Variants in CNTN1 observed in about 807,000 individuals in gnomAD.
CNTN1 encodes contactin 1.
Under a neutral mutation model 126.4 loss-of-function variants are expected in CNTN1, and 38 were observed. The observed-to-expected ratio is 0.30, with a 90% confidence interval of 0.23 to 0.39. CNTN1 has a LOEUF of 0.39. CNTN1 is among the 10% of genes least tolerant of loss of function. The pLI, the probability that CNTN1 is intolerant of heterozygous loss-of-function variation, is 1.00. For missense variants in CNTN1, 1,009 were observed against 1,248.4 expected, an observed-to-expected ratio of 0.81 and a Z score of 2.89; for synonymous variants, 413 against 422.6, an observed-to-expected ratio of 0.98 and a Z score of 0.28.
chr12:40,943,579 A>ATAT lies in CNTN1; in HGVS notation c.1380-16_1380-14dup, dbSNP rs1403103202. 13 of 1,521,636 alleles carry ATAT rather than the reference A, an allele frequency of 8.5e-6. No homozygotes were observed. The highest frequency in any genetic ancestry group is 1.2e-5 in the Non-Finnish European group (13 of 1,097,278). 94.3% of individuals were successfully genotyped at this position (1,521,636 alleles called of 1,614,324 possible). A position where few individuals can be genotyped will look rare whatever the true frequency, so the allele number is the denominator to read the frequency against. ...ACTAAATCAGGTTTGTGAATTATAT[A>ATAT]TATTTTTATTTCACTAGAATACTCA... is the stretch of plus-strand genomic sequence containing the variant. On this transcript the variant is annotated splice_polypyrimidine_tract_variant and intron_variant, in intron 12 of 23. Transcript: ENST00000551295.
chr12:40,887,843 G>T (rs2136716112), intron 1 of CNTN1, among the ~76,000 whole-genome samples: 1 of 152,204 alleles, frequency 6.6e-6, no homozygotes, highest in Non-Finnish European at 1.5e-5. Flanking sequence ...CATAAAAAAT[G>T]ATGAGTTCAT....
chr12:40,846,828 A>G (rs1942523424), intron 1 of CNTN1, among the ~76,000 whole-genome samples: 1 of 151,672 alleles, frequency 6.6e-6, no homozygotes, highest in Non-Finnish European at 1.5e-5. Flanking sequence ...AGTAGCTGAG[A>G]GTACAGAAAC....
chr12:40,883,964 G>C (rs2136704921), intron 1 of CNTN1, among the ~76,000 whole-genome samples: 1 of 151,398 alleles, frequency 6.6e-6, no homozygotes, highest in Non-Finnish European at 1.5e-5. Flanking sequence ...CTTTATCATA[G>C]GAAAATGTGG....
At chr12:41,000,503 T>G (rs1948329272) in intron 17 of CNTN1, among the ~76,000 whole-genome samples, 2 of 152,166 alleles carry the variant, frequency 1.3e-5, no homozygotes, top group Admixed American at 1.3e-4. Flanking sequence ...CAAATTATTT[T>G]TTAACCCTGT....
chr12:40,830,078 A>G (rs556617989), intron 1 of CNTN1, among the ~76,000 whole-genome samples: 107 of 152,150 alleles, frequency 7.0e-4, no homozygotes, highest in Non-Finnish European at 1.3e-3. Context: ...AAGGGATTCA[A>G]GAAGCACTGC....
rs866191460 is a variant in CNTN1, at chr12:40,773,714, T to C, written c.-77+81122T>C. Among the ~76,000 whole-genome samples the C allele has an allele frequency of 1.1e-3, 46 of 42,048 alleles. 2 individuals are homozygous for C. The highest frequency in any genetic ancestry group is 3.0e-3 in the African/African-American group (45 of 15,250). 27.6% of individuals were successfully genotyped at this position (42,048 alleles called of 152,430 possible). ...ATATACACATATATATATATATATA[T>C]ACACATATATATATATATGTTGCTA... is the stretch of plus-strand genomic sequence containing the variant. On this transcript the variant is annotated intron_variant, in intron 1 of 23. Coordinates refer to ENST00000551295, the MANE Select transcript of CNTN1 (RefSeq NM_001843.4).
intron 4 of CNTN1, among the ~76,000 whole-genome samples, chr12:40,920,610 A>T (rs1032233269): frequency 2.6e-5 from 4 of 152,322 alleles, no homozygotes; most frequent in Admixed American, 1.3e-4. Flanking sequence ...AGGACAAATT[A>T]TACTAACCTT....
intron 1 of CNTN1, among the ~76,000 whole-genome samples, chr12:40,846,263 A>G (rs1166740551): frequency 6.6e-6 from 1 of 151,672 alleles, no homozygotes; most frequent in African/African-American, 2.4e-5. Flanking sequence ...TCATGAGGTC[A>G]GGAGACCATC....
intron 3 of CNTN1, among the ~76,000 whole-genome samples, chr12:40,912,268 TAAG>T (rs1198348145): frequency 1.3e-5 from 2 of 152,110 alleles, no homozygotes; most frequent in East Asian, 3.9e-4. Flanking sequence ...TCTATTGAGA[TAAG>T]AGAGCAAATA....
intron 3 of CNTN1, among the ~76,000 whole-genome samples, chr12:40,912,289 G>A (rs2136826997): frequency 6.6e-6 from 1 of 151,780 alleles, no homozygotes; most frequent in Middle Eastern, 3.4e-3. Context: ...ATATGAATAA[G>A]TTGCACATAA....
chr12:40,865,273 A>C (rs1257230632), intron 1 of CNTN1, among the ~76,000 whole-genome samples: 3 of 152,096 alleles, frequency 2.0e-5, no homozygotes, highest in Admixed American at 2.0e-4. Context: ...ATGTCTTGCA[A>C]ATATTTTGTG....
At chr12:40,910,693 C>T (rs1332289125) in intron 3 of CNTN1, among the ~76,000 whole-genome samples, 1 of 152,160 alleles carries the variant, frequency 6.6e-6, no homozygotes, top group African/African-American at 2.4e-5. Context: ...ATTTTATTAT[C>T]TTGCATAAAT....
chr12:40,956,237 G>T (rs1946875236), intron 14 of CNTN1, among the ~76,000 whole-genome samples: 1 of 152,098 alleles, frequency 6.6e-6, no homozygotes, highest in Non-Finnish European at 1.5e-5. Context: ...GACTTGAGAA[G>T]ACAGCGCATA....
rs188466929 is a variant in CNTN1 at position 40,863,130 on chromosome 12, A to T, written c.-76-45227A>T. Among the ~76,000 whole-genome samples the T allele has an allele frequency of 7.4e-3, 1,134 of 152,260 alleles. 4 individuals are homozygous for T. Among genetic ancestry groups the T allele is most frequent in the Non-Finnish European group, 0.012 (817 of 68,008 alleles). ...GGTTCAGGGACCTTGATATTTTATG[A>T]ATTTAAAATGATAATCTTAGAATTA... is the stretch of plus-strand genomic sequence containing the variant. On this transcript the variant is annotated intron_variant, in intron 1 of 23. Coordinates refer to ENST00000551295, the MANE Select transcript of CNTN1 (RefSeq NM_001843.4).
chr12:41,039,774 C>A (rs1362336478), intron 23 of CNTN1, among the ~76,000 whole-genome samples: 1 of 151,886 alleles, frequency 6.6e-6, no homozygotes, highest in East Asian at 1.9e-4. Context: ...CCAAAGTTGG[C>A]AAATGGCATG....
At chr12:41,004,886 C>A (rs1252312992) in intron 17 of CNTN1, among the ~76,000 whole-genome samples, 2 of 152,176 alleles carry the variant, frequency 1.3e-5, no homozygotes, top group African/African-American at 4.8e-5. Flanking sequence ...CTTTATCCAG[C>A]TTGCCACTTT....
chr12:40,876,118 T>C (rs1389841426), intron 1 of CNTN1, among the ~76,000 whole-genome samples: 3 of 149,306 alleles, frequency 2.0e-5, no homozygotes, highest in Non-Finnish European at 3.0e-5. Context: ...GGTTAAATAT[T>C]GCTGACATCA....
intron 1 of CNTN1, among the ~76,000 whole-genome samples, chr12:40,707,151 G>C (rs1235521142): frequency 6.6e-6 from 1 of 150,944 alleles, no homozygotes; most frequent in Non-Finnish European, 1.5e-5. Flanking sequence ...CACAATGCCA[G>C]AGCCATCACC....
intron 14 of CNTN1, among the ~76,000 whole-genome samples, chr12:40,955,524 C>T (rs1445361835): frequency 6.6e-6 from 1 of 151,982 alleles, no homozygotes; most frequent in African/African-American, 2.4e-5. Context: ...TATTTTATCT[C>T]ATAACATTAT....
Sources: gnomAD v4.1 joint callset for allele counts (sites outside exome capture counted in the v4.1 genomes callset) on GRCh38, gnomAD v4.1.1 for gene constraint, MANE v1.5 for transcripts, NCBI Gene and HGNC (gene_info 2026-07-23, HGNC 2026-07-21) for gene names.